The following MEIS2 variants were observed in gnomAD, a reference collection of about 807,000 sequenced individuals.
The protein encoded by MEIS2 is Meis homeobox 2.
In MEIS2, 9 loss-of-function variants were observed where a neutral mutation model predicts 58.6. That is an observed-to-expected ratio of 0.15 (90% CI 0.09 to 0.27). MEIS2 has a LOEUF of 0.27. MEIS2 is among the 10% of genes least tolerant of loss of function. The pLI is 1.00. For synonymous variants in MEIS2, 221 were observed against 228.4 expected, an observed-to-expected ratio of 0.97 and a Z score of 0.29; for missense variants, 427 against 635.0, an observed-to-expected ratio of 0.67 and a Z score of 3.52.
At chr15:37,094,367 A>G in intron 5 of MEIS2, 160 bp downstream of exon 5, 1 of 642,624 alleles carries the variant, frequency 1.6e-6, no homozygotes, top group Non-Finnish European at 2.7e-6. Flanking sequence ...CCACCCTCTG[A>G]GCCCCTGTGT....
intron 9 of MEIS2, among the ~76,000 whole-genome samples, chr15:36,906,598 C>T (rs1247864300): frequency 2.0e-5 from 3 of 146,912 alleles, no homozygotes; most frequent in African/African-American, 7.5e-5. Context: ...TCAAATGTTA[C>T]CTTTGGTTTG....
At chr15:37,059,736 A>C (rs1888933670) in intron 7 of MEIS2, among the ~76,000 whole-genome samples, 1 of 151,960 alleles carries the variant, frequency 6.6e-6, no homozygotes, top group Non-Finnish European at 1.5e-5. Context: ...CAGGAGTTAG[A>C]GACCAGCCTG....
chr15:36,925,064 G>A (rs1384572855), intron 9 of MEIS2, among the ~76,000 whole-genome samples: 1 of 152,116 alleles, frequency 6.6e-6, no homozygotes, highest in Non-Finnish European at 1.5e-5. Context: ...TGACTGTCTG[G>A]CACTGTTTCT....
intron 7 of MEIS2, among the ~76,000 whole-genome samples, chr15:37,069,096 A>G (rs1323579717): frequency 2.6e-5 from 4 of 152,166 alleles, no homozygotes; most frequent in African/African-American, 9.7e-5. Flanking sequence ...AAAGCAACTC[A>G]TATTTTATAC....
Position 37,010,248 on chromosome 15 carries a change from T to C in MEIS2, c.900+26566A>G, listed in dbSNP as rs576885730. Among the ~76,000 whole-genome samples, 31 of 151,884 alleles carry C rather than the reference T, an allele frequency of 2.0e-4. No homozygotes were observed. In the South Asian group the frequency reaches 4.4e-3, roughly 21 times the overall value. ...GACTACAGGCACCCACCACCACACC[T>C]GGCTAATTTTTTGTATTTTTAGTAG... is the stretch of plus-strand genomic sequence containing the variant. On this transcript the variant is annotated intron_variant, in intron 8 of 11. Transcript: ENST00000561208.
At chr15:37,086,421 T>C (rs1174870334) in intron 6 of MEIS2, among the ~76,000 whole-genome samples, 1 of 152,208 alleles carries the variant, frequency 6.6e-6, no homozygotes, top group Non-Finnish European at 1.5e-5. Context: ...GGAGATGTTT[T>C]CTAAAGTAAA....
intron 7 of MEIS2, among the ~76,000 whole-genome samples, chr15:37,069,563 C>T (rs945911420): frequency 2.0e-5 from 3 of 152,120 alleles, no homozygotes; most frequent in African/African-American, 7.2e-5. Flanking sequence ...GGGGGTGTGA[C>T]ACATCCAAGT....
intron 8 of MEIS2, among the ~76,000 whole-genome samples, chr15:36,997,102 T>A (rs1457767308): frequency 6.6e-6 from 1 of 152,158 alleles, no homozygotes; most frequent in African/African-American, 2.4e-5. Flanking sequence ...AAATATAGGT[T>A]CTATTTCGAG....
intron 9 of MEIS2, among the ~76,000 whole-genome samples, chr15:36,924,357 G>A (rs1246737194): frequency 1.3e-5 from 2 of 152,186 alleles, no homozygotes; most frequent in South Asian, 4.1e-4. Flanking sequence ...GGCTGAGATC[G>A]CGGTCATGAA....
In MEIS2 at chr15:36,889,372, GC is replaced by G. The variant is rs1289280151; in HGVS notation, c.*2800del. 2.0e-5 allele frequency: 3 copies of G among 152,096 alleles called. No homozygotes were observed. The highest frequency in any genetic ancestry group is 7.2e-5 in the African/African-American group (3 of 41,408). The allele number at this position is 152,096 out of a possible 1,614,324, so 9.4% of individuals were successfully genotyped here. ...TAGTAAACCCGAGATAGGAGCAAGT[GC>G]CTTCCGGGGTGGTGTAAAAAAAGCA... On this transcript the variant is annotated 3_prime_UTR_variant, in exon 12 of 12. Coordinates refer to ENST00000561208, the MANE Select transcript of MEIS2 (RefSeq NM_170675.5).
At chr15:37,096,796 C>T (rs1255170959) in intron 2 of MEIS2, among the ~76,000 whole-genome samples, 1 of 152,104 alleles carries the variant, frequency 6.6e-6, no homozygotes, top group Non-Finnish European at 1.5e-5. Flanking sequence ...GCGGAACCAA[C>T]CCCTGAGACC....
In MEIS2 at chr15:37,098,135, T is replaced by C. The variant is rs1253953785; in HGVS notation, c.77A>G (p.Asp26Gly). ...GGGGATCGGCCGCGGCGCGTGAGGG[T>C]CTCCGTACATGGAAGCGGGAACCCC... Reference protein sequence around the residue: ...GVGVPASMYGDPHAPRPIPPV... With the variant: ...GVGVPASMYGGPHAPRPIPPV... Residue 26 changes from aspartate (D) to glycine (G), a missense_variant, in exon 2 of 12, where the codon GAC (aspartate) becomes GGC (glycine). Asp to Gly is a moderately conservative substitution (Grantham distance 94). Coordinates refer to ENST00000561208, the MANE Select transcript of MEIS2 (RefSeq NM_170675.5). 2 of 1,612,070 alleles carry C rather than the reference T, an allele frequency of 1.2e-6. No individual in the cohort carries two copies. The highest frequency in any genetic ancestry group is 2.2e-5 in the South Asian group (2 of 90,868).
chr15:37,041,356 C>T (rs896603949), intron 7 of MEIS2, among the ~76,000 whole-genome samples: 1 of 152,172 alleles, frequency 6.6e-6, no homozygotes, highest in African/African-American at 2.4e-5. Flanking sequence ...CCTTGGTTTG[C>T]TGTCCTCCTT....
At chr15:36,968,953 G>C (rs190992870) in intron 8 of MEIS2, among the ~76,000 whole-genome samples, 1 of 152,284 alleles carries the variant, frequency 6.6e-6, no homozygotes, top group Admixed American at 6.5e-5. Flanking sequence ...ATCAAAACCA[G>C]TCCTCCTCAC....
At chr15:37,024,871 T>C (rs1240500911) in intron 8 of MEIS2, among the ~76,000 whole-genome samples, 1 of 152,224 alleles carries the variant, frequency 6.6e-6, no homozygotes, top group Non-Finnish European at 1.5e-5. Context: ...AGAACAAAGA[T>C]GCCCAAAGCC....
chr15:37,072,017 T>C (rs889617417), intron 7 of MEIS2, among the ~76,000 whole-genome samples: 4 of 152,092 alleles, frequency 2.6e-5, no homozygotes, highest in African/African-American at 9.7e-5. Flanking sequence ...CATGTTACTG[T>C]GGACTTTGTC....
intron 8 of MEIS2, among the ~76,000 whole-genome samples, chr15:36,998,109 C>T (rs759077458): frequency 2.6e-5 from 4 of 152,086 alleles, no homozygotes; most frequent in African/African-American, 7.2e-5. Context: ...TTCCTCACGA[C>T]GGGCTATAGG....
At chr15:36,989,125 T>A (rs1471786751) in intron 8 of MEIS2, among the ~76,000 whole-genome samples, 1 of 152,230 alleles carries the variant, frequency 6.6e-6, no homozygotes, top group African/African-American at 2.4e-5. Flanking sequence ...GCTTGACATT[T>A]CCTTCATTTG....
intron 8 of MEIS2, among the ~76,000 whole-genome samples, chr15:36,961,003 T>C (rs1283646611): frequency 1.3e-5 from 2 of 152,144 alleles, no homozygotes; most frequent in Admixed American, 6.5e-5. Flanking sequence ...CAGTTTTATC[T>C]TATCAATTTG....
Sources: allele counts gnomAD v4.1 joint callset (sites outside exome capture counted in the v4.1 genomes callset), GRCh38; gene constraint gnomAD v4.1.1; transcripts MANE v1.5; gene names NCBI Gene and HGNC (gene_info 2026-07-23, HGNC 2026-07-21).